The following FKBP6 variants were observed in gnomAD, a reference collection of about 807,000 sequenced individuals.
FKBP6 encodes FKBP prolyl isomerase family member 6 (inactive).
In FKBP6, 29 loss-of-function variants were observed where a neutral mutation model predicts 41.7. The observed-to-expected ratio is 0.70, with a 90% CI of 0.52 to 0.95. The LOEUF is 0.95. Among genes scored for constraint, FKBP6 ranks in the 40% least tolerant of loss-of-function variants. The probability of loss-of-function intolerance (pLI) is 0.00; values close to 1 mark genes in which losing one functional copy is unlikely to be tolerated. For missense variants in FKBP6, 338 were observed against 408.7 expected (o/e 0.83, Z 1.49); for synonymous variants, 130 against 165.1 (o/e 0.79, Z 1.63).
chr7:73,331,735 C>G lies in FKBP6; in HGVS notation c.547C>G (p.Arg183Gly), dbSNP rs147213094. 3 of 1,613,354 alleles carry G rather than the reference C, an allele frequency of 1.9e-6. No individual in the cohort carries two copies. Among genetic ancestry groups the G allele is most frequent in the Non-Finnish European group, 2.5e-6 (3 of 1,179,306 alleles). The change falls in exon 5 of 9, where the codon CGC becomes GGC. Residue 183 changes from arginine (R) to glycine (G), a missense_variant. Arg to Gly is a moderately radical substitution (Grantham distance 125, BLOSUM62 -2). Transcript: ENST00000252037. ...TEREFGNYLF[R>G]QNRFYDAKVR... The stretch of plus-strand genomic sequence containing the variant: ...ACGGGAGTTTGGCAACTACCTTTTC[C>G]GCCAGAATCGTTTCTATGATGCCAA...
rs1554549790 is a variant in FKBP6, at chr7:73,342,822, T to C, written c.909T>C (p.Tyr303=). 6.2e-7 allele frequency: 1 copy of C among 1,612,884 alleles called. No homozygotes were observed. The highest frequency in any genetic ancestry group is 2.2e-5 in the East Asian group (1 of 44,872). Residue 303 remains tyrosine, a synonymous_variant, in exon 8 of 9, where the codon TAT becomes TAC. Coordinates refer to ENST00000252037, the MANE Select transcript of FKBP6 (RefSeq NM_003602.5). ...LKKLASCYRD[Y]VDKEKEMWHR... ...CCCTCTCCAGCTGTTACAGGGACTA[T>C]GTGGATAAAGAGAAAGAAATGTGGC...
In FKBP6 at chr7:73,330,360, C is replaced by A; in HGVS notation, c.468+8C>A. The A allele has an allele frequency of 4.4e-6, 7 of 1,603,432 alleles. No individual in the cohort carries two copies. The highest frequency in any genetic ancestry group is 6.0e-6 in the Non-Finnish European group (7 of 1,170,358). ...TTTTGTGCTCTCTCAGCTGTAAGTTCCAGAGCACAGATGTCAGCACTTTAT... is the reference window on the plus strand; with the variant it reads ...TTTTGTGCTCTCTCAGCTGTAAGTTACAGAGCACAGATGTCAGCACTTTAT... On this transcript the variant is annotated splice_region_variant and intron_variant, in intron 4 of 8. Coordinates refer to ENST00000252037, the MANE Select transcript of FKBP6 (RefSeq NM_003602.5).
Position 73,328,682 on chromosome 7 carries a change from T to C in FKBP6, c.165T>C (p.Ala55=), listed in dbSNP as rs781869532. The C allele has an allele frequency of 7.4e-6, 12 of 1,611,718 alleles. No individual in the cohort carries two copies. The Admixed American group carries it at 2.0e-4, about 27-fold the overall frequency. ...EGAGDLVAPD[A]SVLVKYSGYL... ...CTGGAGACCTAGTGGCGCCTGATGC[T>C]TCGGTGCTAGGTACGCCCTGGGGCG... Residue 55 remains alanine (A), a synonymous_variant, in exon 2 of 9, where the codon GCT becomes GCC. Coordinates refer to ENST00000252037, the MANE Select transcript of FKBP6 (RefSeq NM_003602.5).
intron 5 of FKBP6, among the ~76,000 whole-genome samples, chr7:73,332,153 C>T (rs1161189650): frequency 1.3e-5 from 2 of 151,930 alleles, no homozygotes; most frequent in Non-Finnish European, 2.9e-5. Context: ...TGTGAGCTAC[C>T]GCGCCCGGCA....
intron 5 of FKBP6, among the ~76,000 whole-genome samples, 173 bp downstream of exon 5, chr7:73,331,949 C>T (rs1422546618): frequency 2.6e-5 from 4 of 151,986 alleles, no homozygotes; most frequent in Non-Finnish European, 1.5e-5. Context: ...CTGCAAGCTC[C>T]GCCTCCTGGG....
intron 2 of FKBP6, 149 bp downstream of exon 2, chr7:73,328,841 C>T: frequency 7.1e-7 from 1 of 1,399,584 alleles, no homozygotes; most frequent in Non-Finnish European, 1.0e-6. Flanking sequence ...CGGGGTCTTG[C>T]TCAGTTGCCC....
At chr7:73,350,908 C>T (rs1310647330) in intron 8 of FKBP6, among the ~76,000 whole-genome samples, 13 of 152,134 alleles carry the variant, frequency 8.5e-5, no homozygotes, top group Non-Finnish European at 1.6e-4. Flanking sequence ...AGCAGATCAT[C>T]ATCTCTCTCG....
At position 73,357,886 on chromosome 7, in the gene FKBP6, G is replaced by T. The variant is rs549130734; in HGVS notation, c.*3-295G>T. On this transcript the variant is annotated intron_variant, in intron 8 of 8. Transcript: ENST00000252037. ...GCCTGTAATCCCAGCTACTCAGGAG[G>T]CTGAAGCAGGAGAATCACTTGAACC... Among the ~76,000 whole-genome samples the T allele has an allele frequency of 5.9e-5, 9 of 151,900 alleles. No individual in the cohort carries two copies. In the East Asian group the frequency reaches 1.7e-3, roughly 30 times the overall value.
At chr7:73,336,637 A>G (rs926982594) in intron 5 of FKBP6, 8 of 412,496 alleles carry the variant, frequency 1.9e-5, no homozygotes, top group Non-Finnish European at 3.4e-5. Context: ...GAATAGGCAA[A>G]TGCTACAAAC....
chr7:73,329,607 C>G (rs1241993101), intron 3 of FKBP6, 158 bp downstream of exon 3: 2 of 684,296 alleles, frequency 2.9e-6, no homozygotes, highest in Non-Finnish European at 5.3e-6. Context: ...CCCCTTGAGA[C>G]CTAGGCATTT....
intron 8 of FKBP6, among the ~76,000 whole-genome samples, chr7:73,347,211 A>T (rs1554550401): frequency 6.6e-6 from 1 of 152,200 alleles, no homozygotes; most frequent in Non-Finnish European, 1.5e-5. Context: ...AATTTTGGTC[A>T]AAATTTTTAT....
At chr7:73,332,155 C>T (rs535072735) in intron 5 of FKBP6, among the ~76,000 whole-genome samples, 2 of 152,106 alleles carry the variant, frequency 1.3e-5, no homozygotes, top group Admixed American at 6.5e-5. Flanking sequence ...TGAGCTACCG[C>T]GCCCGGCAAA....
At chr7:73,354,642 G>A (rs1416979539) in intron 8 of FKBP6, among the ~76,000 whole-genome samples, 1 of 152,220 alleles carries the variant, frequency 6.6e-6, no homozygotes, top group Non-Finnish European at 1.5e-5. Flanking sequence ...TGCATTTTGG[G>A]AAGGGGAACC....
At chr7:73,340,914 TGTC>T in intron 6 of FKBP6, 82 bp downstream of exon 6, 8 of 739,736 alleles carry the variant, frequency 1.1e-5, no homozygotes, top group Non-Finnish European at 1.8e-5. Context: ...GCAAAAATGC[TGTC>T]TTTTTTTTTT....
rs1438567269 is a variant in FKBP6 at position 73,332,054 on chromosome 7, C to CA, written c.588+279dup. Among the ~76,000 whole-genome samples, 25 of 152,062 alleles carry CA rather than the reference C, an allele frequency of 1.6e-4. No individual in the cohort carries two copies. The East Asian group carries it at 4.9e-3, about 30-fold the overall frequency. The stretch of plus-strand genomic sequence containing the variant: ...AATTTTTTTGTATTTTTAGTAGAGA[C>CA]AGAGTTTCACCGTGTTAGCCAGGAT... On this transcript the variant is annotated intron_variant, in intron 5 of 8. Transcript: ENST00000252037.
intron 3 of FKBP6, 76 bp downstream of exon 3, chr7:73,329,525 G>A (rs1444027381): frequency 1.1e-6 from 1 of 924,008 alleles, no homozygotes; most frequent in Non-Finnish European, 1.8e-6. Flanking sequence ...AGGCTGGGAA[G>A]ACTGCTCAGA....
rs1554547415 is a variant in FKBP6 at position 73,330,257 on chromosome 7, C to A, written c.373C>A (p.Pro125Thr). 1 of 1,614,046 alleles carries A rather than the reference C, an allele frequency of 6.2e-7. No individual in the cohort carries two copies. Among genetic ancestry groups the A allele is most frequent in the Non-Finnish European group, 8.5e-7 (1 of 1,179,934 alleles). ...NYAYGTLGCPPLIPPNTTVLF... is the reference protein window; with the variant it reads ...NYAYGTLGCPTLIPPNTTVLF... Reference sequence around the variant, plus strand: ...CGCCTATGGAACGCTGGGCTGCCCTCCCTTGATCCCCCCAAACACCACTGT... The same window carrying A: ...CGCCTATGGAACGCTGGGCTGCCCTACCTTGATCCCCCCAAACACCACTGT... The change falls in exon 4 of 9, where the codon CCC becomes ACC. Residue 125 changes from proline (P) to threonine (T), a missense_variant. By Grantham distance (38) the Pro-to-Thr change is conservative. Transcript: ENST00000252037.
chr7:73,343,180 G>T (rs958128182), intron 8 of FKBP6, among the ~76,000 whole-genome samples: 5 of 152,182 alleles, frequency 3.3e-5, no homozygotes, highest in African/African-American at 1.2e-4. Flanking sequence ...GTTTGAGGCA[G>T]AGTCTCACTC....
chr7:73,342,938 G>A (rs1554549829), intron 8 of FKBP6, 39 bp downstream of exon 8: 5 of 1,354,958 alleles, frequency 3.7e-6, no homozygotes, highest in Non-Finnish European at 5.3e-6. Context: ...GCTTCCGGAT[G>A]GAGAAGCGTG....
Sources: allele counts gnomAD v4.1 joint callset (sites outside exome capture counted in the v4.1 genomes callset), GRCh38; gene constraint gnomAD v4.1.1; transcripts MANE v1.5; gene names NCBI Gene and HGNC (gene_info 2026-07-23, HGNC 2026-07-21).